VWC2L: variants seen among roughly 807,000 people sequenced by gnomAD.
VWC2L encodes the protein von Willebrand factor C domain-containing protein 2-like.
A neutral mutation model predicts 21.6 loss-of-function variants in VWC2L; 10 were observed. The ratio of observed to expected loss-of-function variants is 0.46; its 90% confidence interval spans 0.29 to 0.78. The LOEUF is 0.78. Ranked by LOEUF, VWC2L falls within the 30% of genes least tolerant of loss-of-function variation. The probability of loss-of-function intolerance (pLI) is 0.10; values close to 1 mark genes in which losing one functional copy is unlikely to be tolerated. For synonymous variants in VWC2L, 96 were observed against 94.3 expected (o/e 1.02, Z -0.10); for missense variants, 209 against 277.1 (o/e 0.75, Z 1.74).
intron 3 of VWC2L, among the ~76,000 whole-genome samples, chr2:214,537,466 A>G (rs765749148): frequency 1.2e-4 from 19 of 152,040 alleles, no homozygotes; most frequent in Non-Finnish European, 2.2e-4. Flanking sequence ...TGCAAAATCT[A>G]TAACAATCAA....
chr2:214,496,341 A>T (rs1463762401), intron 3 of VWC2L, among the ~76,000 whole-genome samples: 1 of 149,946 alleles, frequency 6.7e-6, no homozygotes, highest in Non-Finnish European at 1.5e-5. Flanking sequence ...GAATGGCTGC[A>T]AGCATATGAA....
At chr2:214,455,344 AGTT>A (rs1445948097) in intron 3 of VWC2L, among the ~76,000 whole-genome samples, 1 of 152,214 alleles carries the variant, frequency 6.6e-6, no homozygotes, top group Non-Finnish European at 1.5e-5. Context: ...ATGGTCATAA[AGTT>A]GTTAATAATA....
chr2:214,424,396 G>A (rs554577637), intron 2 of VWC2L, among the ~76,000 whole-genome samples: 31 of 152,240 alleles, frequency 2.0e-4, no homozygotes, highest in South Asian at 1.9e-3. Flanking sequence ...GAGTTAGTAC[G>A]TATAGTTCAA....
rs35664504 is a variant in VWC2L at position 214,537,901 on chromosome 2, C to CTT, written c.521-37756_521-37755dup. Among the ~76,000 whole-genome samples the CTT allele has an allele frequency of 4.2e-3, 564 of 135,630 alleles. 19 individuals are homozygous for CTT. The highest frequency in any genetic ancestry group is 0.016 in the East Asian group (74 of 4,676). The allele number at this position is 135,630 out of a possible 152,430, so 89.0% of individuals were successfully genotyped here. On this transcript the variant is annotated intron_variant, in intron 3 of 3. Transcript: ENST00000312504. ...CAAATTGCTTCCAAAGGATAGTGGC[C>CTT]TTTTTTTTTTTTTTTTGGTGGGCTT...
At chr2:214,441,008 T>TACAC (rs1559291583) in intron 3 of VWC2L, among the ~76,000 whole-genome samples, 2 of 152,168 alleles carry the variant, frequency 1.3e-5, no homozygotes, top group African/African-American at 4.8e-5. Flanking sequence ...CAAAATCCTG[T>TACAC]ACACACATTA....
Position 214,561,270 on chromosome 2 carries a change from A to T in VWC2L, c.521-14402A>T, listed in dbSNP as rs565951843. ...CCCACCCTTTGAAAACTCCTATCGT[A>T]AAGAGATGCCCTTGTTCATTACACC... On this transcript the variant is annotated intron_variant, in intron 3 of 3. Transcript: ENST00000312504. 1.1e-4 allele frequency among the ~76,000 whole-genome samples: 17 copies of T among 152,264 alleles called. No individual in the cohort carries two copies. In the South Asian group the frequency reaches 3.5e-3, roughly 32 times the overall value.
At chr2:214,433,159 G>GATATATATATATATATAAT (rs1702626347) in intron 2 of VWC2L, among the ~76,000 whole-genome samples, 1 of 133,008 alleles carries the variant, frequency 7.5e-6, no homozygotes, top group Non-Finnish European at 1.6e-5. Context: ...CAAGCCACCT[G>GATATATATATATATATAAT]ATATATATAT....
intron 3 of VWC2L, among the ~76,000 whole-genome samples, chr2:214,470,115 G>C (rs1469617232): frequency 6.7e-6 from 1 of 149,430 alleles, no homozygotes; most frequent in Non-Finnish European, 1.5e-5. Context: ...TTTAGACACA[G>C]GTATGAACCC....
At chr2:214,453,657 T>C (rs1240685193) in intron 3 of VWC2L, among the ~76,000 whole-genome samples, 1 of 152,176 alleles carries the variant, frequency 6.6e-6, no homozygotes, top group East Asian at 1.9e-4. Flanking sequence ...CCCTCAGCAC[T>C]ATTTTGCTGT....
At chr2:214,530,175 T>C (rs955782075) in intron 3 of VWC2L, among the ~76,000 whole-genome samples, 1 of 152,156 alleles carries the variant, frequency 6.6e-6, no homozygotes, top group East Asian at 1.9e-4. Flanking sequence ...TTGTGCCAAG[T>C]GGGGCTCAAG....
chr2:214,445,574 A>T (rs1172507919), intron 3 of VWC2L, among the ~76,000 whole-genome samples: 1 of 151,670 alleles, frequency 6.6e-6, no homozygotes, highest in Non-Finnish European at 1.5e-5. Flanking sequence ...ATTTTTACTA[A>T]AAAGAAAATA....
intron 3 of VWC2L, among the ~76,000 whole-genome samples, chr2:214,526,501 G>A (rs920858395): frequency 1.5e-4 from 23 of 152,174 alleles, no homozygotes; most frequent in Admixed American, 5.2e-4. Context: ...ACCACAGCCT[G>A]CTATAAAGAA....
intron 3 of VWC2L, among the ~76,000 whole-genome samples, chr2:214,489,110 C>T (rs1688712432): frequency 6.6e-6 from 1 of 152,122 alleles, no homozygotes; most frequent in Non-Finnish European, 1.5e-5. Context: ...TATGTATTAA[C>T]CAGAGGCCTG....
At chr2:214,538,599 G>A (rs200920215) in intron 3 of VWC2L, among the ~76,000 whole-genome samples, 2 of 149,780 alleles carry the variant, frequency 1.3e-5, no homozygotes, top group African/African-American at 4.9e-5. Context: ...TATAATTTTT[G>A]TATATTAATT....
intron 3 of VWC2L, among the ~76,000 whole-genome samples, chr2:214,462,103 G>A (rs34106915): frequency 0.062 from 9,381 of 152,196 alleles, 914 homozygotes; most frequent in African/African-American, 0.21. Flanking sequence ...AGCAGGATGC[G>A]GTCTAGTGGA....
chr2:214,518,713 AGTACT>A lies in VWC2L; in HGVS notation c.521-56955_521-56951del, dbSNP rs570538934. Among the ~76,000 whole-genome samples, 755 of 152,342 alleles carry A rather than the reference AGTACT, an allele frequency of 5.0e-3. 4 individuals carry two copies. The highest frequency in any genetic ancestry group is 0.01 in the Middle Eastern group (3 of 294). On this transcript the variant is annotated intron_variant, in intron 3 of 3. Transcript: ENST00000312504. Reference sequence around the variant, plus strand: ...CACTCCTGGGATTACTTTTCTCAGTAGTACTGTATATCTTAAAGCCTTACCTGAAA... The same window carrying A: ...CACTCCTGGGATTACTTTTCTCAGTAGTATATCTTAAAGCCTTACCTGAAA...
intron 3 of VWC2L, among the ~76,000 whole-genome samples, chr2:214,516,773 G>T (rs536166595): frequency 6.6e-6 from 1 of 152,222 alleles, no homozygotes; most frequent in East Asian, 1.9e-4. Context: ...GAGCTTTGAG[G>T]CATGTAGACT....
intron 2 of VWC2L, chr2:214,415,277 T>C (rs986129289): frequency 6.6e-6 from 1 of 152,292 alleles, no homozygotes; most frequent in Non-Finnish European, 1.5e-5. Context: ...AGCTTAGAGT[T>C]CATTTTTATC....
intron 3 of VWC2L, among the ~76,000 whole-genome samples, chr2:214,483,922 T>C (rs1202289245): frequency 6.6e-6 from 1 of 152,168 alleles, no homozygotes; most frequent in Non-Finnish European, 1.5e-5. Context: ...CTAACGGTTT[T>C]GGAAGATGGA....
Sources: gnomAD v4.1 joint callset for allele counts (sites outside exome capture counted in the v4.1 genomes callset) on GRCh38, gnomAD v4.1.1 for gene constraint, MANE v1.5 for transcripts, NCBI Gene and HGNC (gene_info 2026-07-23, HGNC 2026-07-21) for gene names.